NPTN: variants seen among roughly 807,000 people sequenced by gnomAD.
NPTN encodes neuroplastin.
Under a neutral mutation model 42.7 loss-of-function variants are expected in NPTN, and 5 were observed. That is an observed-to-expected ratio of 0.12 (90% confidence interval 0.06 to 0.25). The LOEUF (loss-of-function observed/expected upper bound fraction) is 0.25. NPTN is among the 10% of genes least tolerant of loss of function. The pLI, the probability that NPTN is intolerant of heterozygous loss-of-function variation, is 1.00. For missense variants in NPTN, 307 were observed against 525.4 expected (o/e 0.58, Z 4.06); for synonymous variants, 180 against 201.9 (o/e 0.89, Z 0.92).
At chr15:73,563,962 C>A (rs576162597) in intron 6 of NPTN, among the ~76,000 whole-genome samples, 4 of 152,340 alleles carry the variant, frequency 2.6e-5, no homozygotes, top group Admixed American at 2.6e-4. Context: ...CAGGCTCACT[C>A]CTGTGCCCTG....
At chr15:73,575,394 G>T (rs1895634527) in intron 4 of NPTN, among the ~76,000 whole-genome samples, 1 of 152,276 alleles carries the variant, frequency 6.6e-6, no homozygotes, top group Non-Finnish European at 1.5e-5. Flanking sequence ...TGGGATTACA[G>T]GCGTGAGCCA....
intron 2 of NPTN, among the ~76,000 whole-genome samples, chr15:73,593,536 G>A (rs538887821): frequency 1.3e-5 from 2 of 152,130 alleles, no homozygotes; most frequent in African/African-American, 2.4e-5. Context: ...GAGCCTTAAC[G>A]TGAGGAAAGA....
Position 73,570,492 on chromosome 15 carries a change from C to T in NPTN, c.841-69G>A. The T allele has an allele frequency of 1.4e-6, 2 of 1,442,406 alleles. No individual in the cohort carries two copies. The highest frequency in any genetic ancestry group is 1.3e-5 in the South Asian group (1 of 78,502). 89.4% of individuals were successfully genotyped at this position (1,442,406 alleles called of 1,614,324 possible). On this transcript the variant is annotated intron_variant, in intron 5 of 8. Transcript: ENST00000345330. This position sits in a 1 kb window ranked among gnomAD's most constrained non-coding sequence, Gnocchi z 4.0. ...AGCTAATGTTCAAGAGAGGGTGACACTGCTCTCCGTTCTTTTTAGGCACCA... is the reference window on the plus strand; with the variant it reads ...AGCTAATGTTCAAGAGAGGGTGACATTGCTCTCCGTTCTTTTTAGGCACCA...
rs10539085 is a variant in NPTN, at chr15:73,567,002, CTTTTTTTTTTT to C, written c.1114+3137_1114+3147del. The C allele has an allele frequency of 4.8e-6, 4 of 829,414 alleles. No homozygotes were observed. The African/African-American group carries it at 8.6e-5, about 18-fold the overall frequency. 51.4% of individuals were successfully genotyped at this position (829,414 alleles called of 1,614,324 possible). A position where few individuals can be genotyped will look rare whatever the true frequency, so the allele number is the denominator to read the frequency against. ...GTAGGTAAAGAAAAAAGACATGGGG[CTTTTTTTTTTT>C]TTTTTTTTTTAAAGGAAGCAGCTAA... is the stretch of plus-strand genomic sequence containing the variant. On this transcript the variant is annotated intron_variant, in intron 6 of 8. Transcript: ENST00000345330.
intron 6 of NPTN, chr15:73,567,002 C>CTTT (rs10539085): frequency 1.3e-5 from 11 of 829,354 alleles, no homozygotes; most frequent in African/African-American, 4.3e-5. Flanking sequence ...AGACATGGGG[C>CTTT]TTTTTTTTTT....
chr15:73,631,988 C>A (rs1024438150), intron 1 of NPTN, among the ~76,000 whole-genome samples: 7 of 152,194 alleles, frequency 4.6e-5, no homozygotes, highest in Non-Finnish European at 8.8e-5. Flanking sequence ...GGGCCACTTT[C>A]ATGTTCCTCG....
chr15:73,591,228 C>G (rs936723917), intron 3 of NPTN, among the ~76,000 whole-genome samples: 1 of 152,218 alleles, frequency 6.6e-6, no homozygotes, highest in African/African-American at 2.4e-5. Context: ...GATACACAGG[C>G]TTTCCTGGTC....
chr15:73,591,963 C>A lies in NPTN; in HGVS notation c.611+3G>T. The A allele has an allele frequency of 1.2e-6, 2 of 1,610,566 alleles. No homozygotes were observed. The highest frequency in any genetic ancestry group is 1.1e-5 in the South Asian group (1 of 90,420). ...CTTCCCAGGAGCTGCCCACCACTCT[C>A]ACCTGTACTCCATGTTGCTGGCATT... On this transcript the variant is annotated splice_donor_region_variant and intron_variant, in intron 3 of 8. Coordinates refer to ENST00000345330, the MANE Select transcript of NPTN (RefSeq NM_012428.4).
At chr15:73,574,265 A>G (rs1895563921) in intron 4 of NPTN, among the ~76,000 whole-genome samples, 1 of 152,226 alleles carries the variant, frequency 6.6e-6, no homozygotes, top group Admixed American at 6.5e-5. Context: ...GTCCTATTAC[A>G]AGGTATGTAA....
intron 6 of NPTN, among the ~76,000 whole-genome samples, chr15:73,564,223 A>G (rs368019393): frequency 2.0e-5 from 3 of 152,230 alleles, no homozygotes; most frequent in African/African-American, 7.2e-5. Flanking sequence ...TTTATTATAC[A>G]AAAGTCAGGT....
At chr15:73,583,963 G>C (rs1413812164) in intron 4 of NPTN, among the ~76,000 whole-genome samples, 1 of 152,206 alleles carries the variant, frequency 6.6e-6, no homozygotes, top group African/African-American at 2.4e-5. Flanking sequence ...ATAGGAAATA[G>C]GAAGGCAGGG....
intron 3 of NPTN, 43 bp from the exon 4 acceptor site, chr15:73,587,661 G>A (rs750258879): frequency 4.1e-5 from 57 of 1,374,662 alleles, no homozygotes; most frequent in East Asian, 1.1e-4. Flanking sequence ...AACTGGGAAC[G>A]GTCAAAATAT....
At chr15:73,620,608 TC>T (rs1356228774) in intron 1 of NPTN, among the ~76,000 whole-genome samples, 1 of 152,202 alleles carries the variant, frequency 6.6e-6, no homozygotes, top group African/African-American at 2.4e-5. Flanking sequence ...AAAAACTTGT[TC>T]TGAGCCCAGA....
chr15:73,624,882 G>A (rs1443510314), intron 1 of NPTN, among the ~76,000 whole-genome samples: 1 of 152,154 alleles, frequency 6.6e-6, no homozygotes, highest in African/African-American at 2.4e-5. Context: ...GAAAAGTTAT[G>A]TCTTGATTAT....
At position 73,591,956 on chromosome 15, in the gene NPTN, C is replaced by T; in HGVS notation, c.611+10G>A. ...CTCCCACCTTCCCAGGAGCTGCCCA[C>T]CACTCTCACCTGTACTCCATGTTGC... On this transcript the variant is annotated intron_variant, in intron 3 of 8. Coordinates refer to ENST00000345330, the MANE Select transcript of NPTN (RefSeq NM_012428.4). 7 of 1,602,880 alleles carry T rather than the reference C, an allele frequency of 4.4e-6. No homozygotes were observed. The highest frequency in any genetic ancestry group is 5.1e-6 in the Non-Finnish European group (6 of 1,173,262).
chr15:73,612,402 A>G (rs1897630568), intron 1 of NPTN, among the ~76,000 whole-genome samples: 1 of 147,928 alleles, frequency 6.8e-6, no homozygotes, highest in Non-Finnish European at 1.5e-5. Context: ...CTAGGCCCAC[A>G]GAGCGAGATC....
intron 6 of NPTN, chr15:73,567,504 A>G (rs1439342990): frequency 2.3e-5 from 23 of 985,284 alleles, no homozygotes; most frequent in Non-Finnish European, 2.5e-5. Flanking sequence ...GGGGAGAAGC[A>G]CATGGGAAGG....
intron 6 of NPTN, chr15:73,567,436 T>C (rs1212256168): frequency 1.0e-6 from 1 of 985,296 alleles, no homozygotes; most frequent in African/African-American, 1.7e-5. Context: ...GTGTCAAATA[T>C]AATGTACCTC....
chr15:73,586,629 C>T (rs985599155), intron 4 of NPTN, among the ~76,000 whole-genome samples: 5 of 152,186 alleles, frequency 3.3e-5, no homozygotes, highest in African/African-American at 9.7e-5. Flanking sequence ...ACCTATTATA[C>T]GGGCCCTTCC....
Sources: allele counts gnomAD v4.1 joint callset (sites outside exome capture counted in the v4.1 genomes callset), GRCh38; gene constraint gnomAD v4.1.1; non-coding constraint Gnocchi (gnomAD v3.1); transcripts MANE v1.5; gene names NCBI Gene and HGNC (gene_info 2026-07-23, HGNC 2026-07-21).